The following CACNB2 variants were observed in gnomAD, a reference collection of about 807,000 sequenced individuals.
CACNB2 encodes the protein calcium voltage-gated channel auxiliary subunit beta 2.
In CACNB2, 42 loss-of-function variants were observed where a neutral mutation model predicts 73.3. The ratio of observed to expected loss-of-function variants is 0.57; its 90% CI spans 0.45 to 0.74. The LOEUF (loss-of-function observed/expected upper bound fraction) is 0.74. Among genes scored for constraint, CACNB2 ranks in the 30% least tolerant of loss-of-function variants. CACNB2 has a pLI of 0.00. For missense variants in CACNB2, 940 were observed against 853.0 expected (o/e 1.10, Z -1.27); for synonymous variants, 348 against 310.3 (o/e 1.12, Z -1.28).
rs559202872 is a variant in CACNB2, at chr10:18,501,082, C to A, written c.593+134C>A. ...GTAATATGGTTTATTGATAGCATCACAAATCTTGCATTTTCCTGCATTTAA... is the reference window on the plus strand; with the variant it reads ...GTAATATGGTTTATTGATAGCATCAAAAATCTTGCATTTTCCTGCATTTAA... On this transcript the variant is annotated intron_variant, in intron 5 of 13. Coordinates refer to ENST00000324631, the MANE Select transcript of CACNB2 (RefSeq NM_201596.3). 3.3e-6 allele frequency: 3 copies of A among 898,404 alleles called. No individual in the cohort carries two copies. The African/African-American group carries it at 5.0e-5, about 15-fold the overall frequency. 55.7% of individuals were successfully genotyped at this position (898,404 alleles called of 1,614,324 possible).
chr10:18,266,876 G>A (rs1159692932), intron 2 of CACNB2, among the ~76,000 whole-genome samples: 3 of 152,076 alleles, frequency 2.0e-5, no homozygotes, highest in Non-Finnish European at 4.4e-5. Flanking sequence ...GGAGACAGAC[G>A]AGACTCTATC....
intron 2 of CACNB2, among the ~76,000 whole-genome samples, chr10:18,209,465 T>G (rs762391943): frequency 1.2e-4 from 19 of 152,170 alleles, no homozygotes; most frequent in Non-Finnish European, 2.1e-4. Flanking sequence ...CAGCTTGCTT[T>G]TTCGTCAGCT....
intron 2 of CACNB2, among the ~76,000 whole-genome samples, chr10:18,391,104 G>A (rs1005893946): frequency 6.6e-6 from 1 of 152,208 alleles, no homozygotes; most frequent in Non-Finnish European, 1.5e-5. Context: ...TGTTTTTGGA[G>A]TGGCTTGCTT....
intron 3 of CACNB2, among the ~76,000 whole-genome samples, chr10:18,441,832 G>A (rs970107384): frequency 6.6e-5 from 10 of 152,046 alleles, no homozygotes; most frequent in South Asian, 2.1e-4. Flanking sequence ...ACTTGGCCAG[G>A]CCAGTCTCGA....
chr10:18,491,696 T>G (rs1453463062), intron 3 of CACNB2, among the ~76,000 whole-genome samples: 1 of 152,076 alleles, frequency 6.6e-6, no homozygotes, highest in Non-Finnish European at 1.5e-5. Flanking sequence ...TCTTTACCAT[T>G]CTGAGATTAA....
rs907852635 is a variant in CACNB2 at position 18,261,207 on chromosome 10, G to A, written c.213+110232G>A. On this transcript the variant is annotated intron_variant, in intron 2 of 13. Coordinates refer to ENST00000324631, the MANE Select transcript of CACNB2 (RefSeq NM_201596.3). Reference sequence around the variant, plus strand: ...GGAAGAAATGGACCGAGGCTGTGACGAGAAGACAAGGCACAGTGCAGCTTG... The same window carrying A: ...GGAAGAAATGGACCGAGGCTGTGACAAGAAGACAAGGCACAGTGCAGCTTG... The A allele has an allele frequency of 7.1e-6, 11 of 1,549,732 alleles. No homozygotes were observed. The African/African-American group carries it at 9.6e-5, about 14-fold the overall frequency.
At chr10:18,341,548 CTTT>C (rs1391484827) in intron 2 of CACNB2, among the ~76,000 whole-genome samples, 1 of 152,020 alleles carries the variant, frequency 6.6e-6, no homozygotes, top group Non-Finnish European at 1.5e-5. Context: ...AAAGAAAAGA[CTTT>C]ATTATTATTT....
chr10:18,272,926 C>G (rs1354712361), intron 2 of CACNB2, among the ~76,000 whole-genome samples: 1 of 151,984 alleles, frequency 6.6e-6, no homozygotes, highest in Non-Finnish European at 1.5e-5. Flanking sequence ...TGTTGGTCCC[C>G]AAAAAAATGC....
At chr10:18,248,570 A>C (rs1344625218) in intron 2 of CACNB2, among the ~76,000 whole-genome samples, 1 of 152,244 alleles carries the variant, frequency 6.6e-6, no homozygotes, top group African/African-American at 2.4e-5. Context: ...TTTCTTTGTC[A>C]CTATGTAGCT....
intron 2 of CACNB2, among the ~76,000 whole-genome samples, chr10:18,234,976 T>C (rs1187454457): frequency 6.6e-6 from 1 of 151,192 alleles, no homozygotes; most frequent in Non-Finnish European, 1.5e-5. Context: ...ACCCCGTCTC[T>C]ACTAAAAATA....
intron 2 of CACNB2, among the ~76,000 whole-genome samples, chr10:18,286,203 T>G (rs1331804892): frequency 2.6e-5 from 4 of 152,214 alleles, no homozygotes; most frequent in African/African-American, 9.6e-5. Flanking sequence ...GTATACTCAC[T>G]GCCTAGACTC....
At chr10:18,320,484 T>G (rs1000205096) in intron 2 of CACNB2, among the ~76,000 whole-genome samples, 1 of 152,184 alleles carries the variant, frequency 6.6e-6, no homozygotes, top group Non-Finnish European at 1.5e-5. Flanking sequence ...AGCTTAGAAT[T>G]AAGTCTTTGC....
chr10:18,443,902 A>G (rs2046603786), intron 3 of CACNB2, among the ~76,000 whole-genome samples: 1 of 151,850 alleles, frequency 6.6e-6, no homozygotes, highest in Non-Finnish European at 1.5e-5. Flanking sequence ...TTTAATAGAG[A>G]CGAGGTTTCG....
At chr10:18,334,197 A>C (rs1302176435) in intron 2 of CACNB2, among the ~76,000 whole-genome samples, 2 of 152,160 alleles carry the variant, frequency 1.3e-5, no homozygotes, top group Admixed American at 6.5e-5. Flanking sequence ...AGGGGATGGA[A>C]GGAAGTTGGA....
chr10:18,225,852 C>G (rs1308388595), intron 2 of CACNB2, among the ~76,000 whole-genome samples: 1 of 152,058 alleles, frequency 6.6e-6, no homozygotes, highest in African/African-American at 2.4e-5. Flanking sequence ...GTTGCTCAGG[C>G]TGGTCTCCAG....
At chr10:18,257,733 A>C (rs1231750025) in intron 2 of CACNB2, among the ~76,000 whole-genome samples, 1 of 151,974 alleles carries the variant, frequency 6.6e-6, no homozygotes, top group East Asian at 1.9e-4. Context: ...ATTGCTCTGA[A>C]ACACTGTGTT....
intron 6 of CACNB2, among the ~76,000 whole-genome samples, chr10:18,507,734 A>C (rs910812040): frequency 2.0e-5 from 3 of 152,186 alleles, no homozygotes; most frequent in African/African-American, 7.2e-5. Context: ...TGTTTCAGCA[A>C]AATGATACTG....
Position 18,498,576 on chromosome 10 carries a change from C to T in CACNB2, c.456+99C>T, listed in dbSNP as rs546792507. On this transcript the variant is annotated intron_variant, in intron 4 of 13. Transcript: ENST00000324631. ...ATGCCGTTTCTGTGAAGTAGCATTGCACATCGCTGCAGTTGTATAACACAC... is the reference window on the plus strand; with the variant it reads ...ATGCCGTTTCTGTGAAGTAGCATTGTACATCGCTGCAGTTGTATAACACAC... 579 of 1,154,268 alleles carry T rather than the reference C, an allele frequency of 5.0e-4. 6 individuals carry two copies. In the South Asian group the frequency reaches 6.2e-3, roughly 12 times the overall value. The allele number at this position is 1,154,268 out of a possible 1,614,324, so 71.5% of individuals were successfully genotyped here.
At chr10:18,350,267 TAAAAA>T (rs1397649161) in intron 2 of CACNB2, among the ~76,000 whole-genome samples, 1 of 151,990 alleles carries the variant, frequency 6.6e-6, no homozygotes, top group Non-Finnish European at 1.5e-5. Context: ...TTTAAAATAA[TAAAAA>T]TAATAATAAT....
Sources: allele counts gnomAD v4.1 joint callset (sites outside exome capture counted in the v4.1 genomes callset), GRCh38; gene constraint gnomAD v4.1.1; transcripts MANE v1.5; gene names NCBI Gene and HGNC (gene_info 2026-07-23, HGNC 2026-07-21).